MBD5: variants seen among roughly 807,000 people sequenced by gnomAD.
The protein encoded by MBD5 is methyl-CpG binding domain protein 5.
MBD5 carries 13 observed loss-of-function variants against 117.3 expected under a neutral mutation model. That is an observed-to-expected ratio of 0.11 (90% CI 0.07 to 0.18). MBD5 has a LOEUF of 0.18. Ranked by LOEUF, MBD5 falls within the 10% of genes least tolerant of loss-of-function variation. MBD5 has a pLI of 1.00. For synonymous variants in MBD5, 727 were observed against 766.4 expected (o/e 0.95, Z 0.85); for missense variants, 1,879 against 2,093.8 (o/e 0.90, Z 2.00).
At chr2:148,411,501 C>T (rs1394229329) in intron 4 of MBD5, among the ~76,000 whole-genome samples, 1 of 144,610 alleles carries the variant, frequency 6.9e-6, no homozygotes, top group African/African-American at 2.6e-5. Context: ...GGGAACTTAC[C>T]AGCATCTGTT....
At chr2:148,034,553 C>T (rs897477546) in intron 1 of MBD5, among the ~76,000 whole-genome samples, 4 of 152,152 alleles carry the variant, frequency 2.6e-5, no homozygotes, top group African/African-American at 9.7e-5. Flanking sequence ...ATAATGGTCA[C>T]TAACATTTAT....
At chr2:148,162,027 A>G (rs1186969250) in intron 1 of MBD5, among the ~76,000 whole-genome samples, 3 of 152,198 alleles carry the variant, frequency 2.0e-5, no homozygotes, top group Non-Finnish European at 2.9e-5. Flanking sequence ...CATTTTGTGC[A>G]CACCTGCCTT....
intron 6 of MBD5, among the ~76,000 whole-genome samples, chr2:148,463,430 CT>C (rs905372540): frequency 5.3e-5 from 8 of 152,064 alleles, no homozygotes; most frequent in Admixed American, 2.0e-4. Flanking sequence ...TGTACTTCAT[CT>C]GTTTTTACAC....
At chr2:148,407,432 G>T (rs1481508687) in intron 4 of MBD5, among the ~76,000 whole-genome samples, 1 of 151,698 alleles carries the variant, frequency 6.6e-6, no homozygotes, top group Non-Finnish European at 1.5e-5. Flanking sequence ...GATTGATGCT[G>T]CCAGAAATTT....
intron 4 of MBD5, among the ~76,000 whole-genome samples, chr2:148,420,851 CA>C (rs1705581073): frequency 6.6e-6 from 1 of 152,132 alleles, no homozygotes; most frequent in Non-Finnish European, 1.5e-5. Context: ...CTCAGCCTCC[CA>C]AGTAGCTGTG....
At chr2:148,021,791 G>A (rs540436195) in intron 1 of MBD5, 107 bp downstream of exon 1, 186 of 218,760 alleles carry the variant, frequency 8.5e-4, no homozygotes, top group African/African-American at 4.0e-3. Context: ...GGGTGAGGAG[G>A]GGGTGGTGCT....
intron 4 of MBD5, among the ~76,000 whole-genome samples, chr2:148,450,334 A>G (rs1382187216): frequency 6.6e-6 from 1 of 152,196 alleles, no homozygotes; most frequent in Non-Finnish European, 1.5e-5. Flanking sequence ...CAGTAATGCT[A>G]TGTAGCCTCT....
intron 1 of MBD5, chr2:148,025,412 T>C (rs928501949): frequency 1.3e-5 from 2 of 152,088 alleles, no homozygotes; most frequent in Non-Finnish European, 2.9e-5. Context: ...TCTAGGGATT[T>C]ATATTCTGTA....
intron 1 of MBD5, among the ~76,000 whole-genome samples, chr2:148,041,026 G>A (rs768766642): frequency 1.3e-5 from 2 of 152,030 alleles, no homozygotes; most frequent in East Asian, 1.9e-4. Context: ...GCAGCAGATC[G>A]ATCATGGGTC....
chr2:148,050,402 G>A (rs115819919), intron 1 of MBD5, among the ~76,000 whole-genome samples: 3 of 151,500 alleles, frequency 2.0e-5, no homozygotes, highest in African/African-American at 4.8e-5. Context: ...CCACTTTTTC[G>A]TGTTTGCCTT....
intron 4 of MBD5, among the ~76,000 whole-genome samples, chr2:148,395,772 T>C (rs568065071): frequency 6.6e-6 from 1 of 152,268 alleles, no homozygotes; most frequent in Admixed American, 6.5e-5. Flanking sequence ...CCAACGTGTA[T>C]GCCTAATGTT....
chr2:148,029,914 TGCTGG>T (rs1693992768), intron 1 of MBD5, among the ~76,000 whole-genome samples: 1 of 152,192 alleles, frequency 6.6e-6, no homozygotes, highest in Admixed American at 6.5e-5. Flanking sequence ...TCTAATGCAT[TGCTGG>T]TAAAATGCTT....
intron 4 of MBD5, among the ~76,000 whole-genome samples, chr2:148,345,840 C>T (rs1476607714): frequency 2.6e-5 from 4 of 151,720 alleles, no homozygotes; most frequent in African/African-American, 4.8e-5. Flanking sequence ...GTCCAATGTT[C>T]GAGGGCAGGA....
intron 4 of MBD5, among the ~76,000 whole-genome samples, chr2:148,351,291 G>A (rs1703244363): frequency 1.3e-5 from 2 of 151,896 alleles, no homozygotes; most frequent in African/African-American, 2.4e-5. Context: ...GTCCCAGGCA[G>A]GCAACCACTA....
At chr2:148,331,632 A>T (rs56990703) in intron 3 of MBD5, among the ~76,000 whole-genome samples, 4,113 of 152,234 alleles carry the variant, frequency 0.027, 91 homozygotes, top group African/African-American at 0.056. Flanking sequence ...GGCTGATATT[A>T]AAAGTAGTTT....
At chr2:148,122,217 A>C (rs1696786168) in intron 1 of MBD5, among the ~76,000 whole-genome samples, 1 of 152,200 alleles carries the variant, frequency 6.6e-6, no homozygotes, top group African/African-American at 2.4e-5. Context: ...TAATTATCAC[A>C]AAACTGTTGT....
At chr2:148,335,871 G>T (rs1365978793) in intron 3 of MBD5, among the ~76,000 whole-genome samples, 2 of 152,144 alleles carry the variant, frequency 1.3e-5, no homozygotes, top group African/African-American at 4.8e-5. Context: ...TATATTTTAT[G>T]GATGAAGACT....
chr2:148,483,716 A>G lies in MBD5; in HGVS notation c.3125A>G (p.Asp1042Gly), dbSNP rs769487112. The change falls in exon 9 of 14, where the codon GAC (aspartate) becomes GGC (glycine). Residue 1042 changes from aspartate (D) to glycine (G), a missense_variant. Coordinates refer to ENST00000642680, the MANE Select transcript of MBD5 (RefSeq NM_001378120.1). ...GACCATTTGCCAAGCAATCAGTCAGACAACAGCCGAGCTGAGACCCTTTTA... is the reference window on the plus strand; with the variant it reads ...GACCATTTGCCAAGCAATCAGTCAGGCAACAGCCGAGCTGAGACCCTTTTA... ...PPDHLPSNQS[D>G]NSRAETLLTS... The G allele has an allele frequency of 5.8e-6, 9 of 1,550,480 alleles. No homozygotes were observed. The Admixed American group carries it at 5.9e-5, about 10-fold the overall frequency.
chr2:148,081,258 G>A (rs1695640289), intron 1 of MBD5, among the ~76,000 whole-genome samples: 1 of 152,086 alleles, frequency 6.6e-6, no homozygotes, highest in African/African-American at 2.4e-5. Context: ...TACAAAGGTA[G>A]GGTTCTTGAC....
Sources: gnomAD v4.1 joint callset for allele counts (sites outside exome capture counted in the v4.1 genomes callset) on GRCh38, gnomAD v4.1.1 for gene constraint, MANE v1.5 for transcripts, NCBI Gene and HGNC (gene_info 2026-07-23, HGNC 2026-07-21) for gene names.